Variants in IRAK1BP1 observed in about 807,000 individuals in gnomAD.
The protein encoded by IRAK1BP1 is interleukin-1 receptor-associated kinase 1-binding protein 1.
In IRAK1BP1, 24 loss-of-function variants were observed where a neutral mutation model predicts 28.0. That is an observed-to-expected ratio of 0.86 (90% CI 0.62 to 1.20). The LOEUF is 1.20. IRAK1BP1 is among the 50% of genes most tolerant of loss of function. The pLI is 0.00. For synonymous variants in IRAK1BP1, 131 were observed against 116.3 expected, an observed-to-expected ratio of 1.13 and a Z score of -0.81; for missense variants, 336 against 316.7, an observed-to-expected ratio of 1.06 and a Z score of -0.46.
At chr6:78,918,857 A>G (rs1772642077) in intron 4 of IRAK1BP1, among the ~76,000 whole-genome samples, 1 of 152,228 alleles carries the variant, frequency 6.6e-6, no homozygotes, top group Non-Finnish European at 1.5e-5. Context: ...AATTGGATGT[A>G]ATAGGCACTA....
At chr6:78,935,620 TAA>T (rs1773248933) in intron 4 of IRAK1BP1, 4 of 981,486 alleles carry the variant, frequency 4.1e-6, no homozygotes, top group Non-Finnish European at 4.8e-6. Context: ...AAAAGGCATA[TAA>T]GTTTTTGACC....
the IRAK1BP1 span, among the ~76,000 whole-genome samples, chr6:78,954,366 A>G: frequency 3.0e-3 from 457 of 152,184 alleles, 3 homozygotes; most frequent in African/African-American, 9.0e-3. Context: ...TCGGCCTCCC[A>G]AAGTGCTGGG....
At chr6:78,885,251 T>C in intron 1 of IRAK1BP1, 127 bp from the exon 2 acceptor site, 1 of 563,766 alleles carries the variant, frequency 1.8e-6, no homozygotes, top group Non-Finnish European at 3.2e-6. Context: ...TTTTAAAACA[T>C]CAGGCAAAGT....
At chr6:78,932,159 C>G (rs895830384) in intron 4 of IRAK1BP1, among the ~76,000 whole-genome samples, 2 of 152,154 alleles carry the variant, frequency 1.3e-5, no homozygotes, top group Non-Finnish European at 2.9e-5. Context: ...CTTTCCAATT[C>G]TAGTTCTCGA....
intron 2 of IRAK1BP1, 98 bp downstream of exon 2, chr6:78,885,541 T>C (rs1387319617): frequency 9.0e-6 from 5 of 558,236 alleles, no homozygotes; most frequent in East Asian, 3.1e-5. Context: ...CTTCTCATGA[T>C]ATTAATAGAA....
At chr6:78,973,605 C>T in the IRAK1BP1 span, among the ~76,000 whole-genome samples, 5 of 110,332 alleles carry the variant, frequency 4.5e-5, no homozygotes, top group Non-Finnish European at 9.2e-5. Flanking sequence ...CAGTCAAGAC[C>T]CATCAGTGTG....
the IRAK1BP1 span, among the ~76,000 whole-genome samples, chr6:78,960,465 T>TC: frequency 2.0e-5 from 3 of 151,994 alleles, no homozygotes; most frequent in Admixed American, 6.6e-5. Context: ...TTTTTTTTTT[T>TC]TCTCTTAAAC....
the IRAK1BP1 span, among the ~76,000 whole-genome samples, chr6:78,976,396 A>C: frequency 7.9e-6 from 1 of 125,940 alleles, no homozygotes; most frequent in Non-Finnish European, 1.7e-5. Context: ...AAAGACTTAA[A>C]CGTTAGACCT....
downstream of IRAK1BP1, among the ~76,000 whole-genome samples, chr6:78,903,740 T>G (rs1276977104): frequency 2.0e-5 from 3 of 152,078 alleles, no homozygotes; most frequent in Non-Finnish European, 1.5e-5. Context: ...CGTGTGGGAC[T>G]GTATGTCCAT....
chr6:78,907,635 TACAC>T (rs888073545), downstream of IRAK1BP1, among the ~76,000 whole-genome samples: 1 of 152,178 alleles, frequency 6.6e-6, no homozygotes, highest in Non-Finnish European at 1.5e-5. Context: ...TGTTGTTGAA[TACAC>T]ACACACAATG....
At chr6:78,879,550 T>G (rs1250954068) in intron 1 of IRAK1BP1, among the ~76,000 whole-genome samples, 2 of 152,162 alleles carry the variant, frequency 1.3e-5, no homozygotes, top group Non-Finnish European at 2.9e-5. Flanking sequence ...ACCTCACACC[T>G]TATACAAAAC....
At chr6:78,921,635 G>T (rs1166076315) in intron 4 of IRAK1BP1, among the ~76,000 whole-genome samples, 5 of 152,330 alleles carry the variant, frequency 3.3e-5, no homozygotes, top group Middle Eastern at 3.4e-3. Flanking sequence ...CCTCAAGTGG[G>T]TCCCTGACCC....
chr6:78,881,376 G>A (rs891179164), intron 1 of IRAK1BP1, among the ~76,000 whole-genome samples: 2 of 152,174 alleles, frequency 1.3e-5, no homozygotes, highest in Non-Finnish European at 2.9e-5. Context: ...GGGCAAAGTG[G>A]TTGACTAAAA....
At chr6:78,932,083 G>A (rs1773061495) in intron 4 of IRAK1BP1, among the ~76,000 whole-genome samples, 1 of 152,160 alleles carries the variant, frequency 6.6e-6, no homozygotes, top group Non-Finnish European at 1.5e-5. Context: ...TCCATAAGAA[G>A]CAACTCCTTA....
the IRAK1BP1 span, among the ~76,000 whole-genome samples, chr6:78,978,963 T>C: frequency 5.9e-5 from 9 of 152,136 alleles, no homozygotes; most frequent in South Asian, 6.2e-4. Flanking sequence ...ACATTCTGAA[T>C]ACTATGTTGA....
chr6:78,942,157 G>A (rs1773537835), intron 4 of IRAK1BP1, among the ~76,000 whole-genome samples: 1 of 152,104 alleles, frequency 6.6e-6, no homozygotes, highest in Non-Finnish European at 1.5e-5. Flanking sequence ...AGCATTTTTG[G>A]TCACAGGTTG....
the IRAK1BP1 span, among the ~76,000 whole-genome samples, chr6:78,951,850 G>T: frequency 2.6e-5 from 4 of 152,096 alleles, no homozygotes; most frequent in Admixed American, 2.6e-4. Context: ...AAGGGATACG[G>T]GTTCCCATTG....
intron 4 of IRAK1BP1, among the ~76,000 whole-genome samples, chr6:78,933,528 T>C (rs1024042011): frequency 6.6e-6 from 1 of 152,120 alleles, no homozygotes; most frequent in Non-Finnish European, 1.5e-5. Flanking sequence ...GGCAGGAGAA[T>C]CGCTTGAACC....
intron 2 of IRAK1BP1, among the ~76,000 whole-genome samples, chr6:78,888,191 T>A (rs1252559073): frequency 6.6e-6 from 1 of 152,170 alleles, no homozygotes; most frequent in African/African-American, 2.4e-5. Flanking sequence ...TGCCAAAGAA[T>A]GGAGGGAAGG....
Sources: gnomAD v4.1 joint callset for allele counts (sites outside exome capture counted in the v4.1 genomes callset) on GRCh38, gnomAD v4.1.1 for gene constraint, MANE v1.5 for transcripts, NCBI Gene and HGNC (gene_info 2026-07-23, HGNC 2026-07-21) for gene names.